ZMAT4: variants seen among roughly 807,000 people sequenced by gnomAD.
ZMAT4 encodes zinc finger matrin-type 4.
ZMAT4 carries 17 observed loss-of-function variants against 28.7 expected under a neutral mutation model. That is an observed-to-expected ratio of 0.59 (90% confidence interval 0.41 to 0.89). The LOEUF (loss-of-function observed/expected upper bound fraction) is 0.89. ZMAT4 is among the 40% of genes least tolerant of loss of function. ZMAT4 has a pLI of 0.00. For missense variants in ZMAT4, 240 were observed against 283.8 expected, an observed-to-expected ratio of 0.85 and a Z score of 1.11; for synonymous variants, 117 against 109.2, an observed-to-expected ratio of 1.07 and a Z score of -0.44.
chr8:40,601,628 AAGAAAGAG>A (rs1805360985), intron 5 of ZMAT4, among the ~76,000 whole-genome samples: 2 of 27,856 alleles, frequency 7.2e-5, no homozygotes, highest in Non-Finnish European at 1.9e-4. Context: ...GAAAGAAAGA[AAGAAAGAG>A]AAAGAAAGAA....
chr8:40,549,242 G>A (rs1299884676), intron 6 of ZMAT4, among the ~76,000 whole-genome samples: 2 of 152,062 alleles, frequency 1.3e-5, no homozygotes, highest in African/African-American at 4.8e-5. Flanking sequence ...ATACATTTCT[G>A]TTCTTTATAA....
At chr8:40,843,133 C>T (rs1031811387) in intron 1 of ZMAT4, among the ~76,000 whole-genome samples, 1 of 152,182 alleles carries the variant, frequency 6.6e-6, no homozygotes, top group African/African-American at 2.4e-5. Flanking sequence ...AAATGCAAGC[C>T]CCTGACAGAG....
In ZMAT4 at chr8:40,831,470, G is replaced by A. The variant is rs545321416; in HGVS notation, c.-4-5790C>T. 9.9e-5 allele frequency among the ~76,000 whole-genome samples: 15 copies of A among 152,268 alleles called. No homozygotes were observed. The South Asian group carries it at 1.2e-3, about 13-fold the overall frequency. ...GCAAACAGAACCCACAGCACTCACC[G>A]TGGCAGTCCCCAGGCGGCCGCAGCC... On this transcript the variant is annotated intron_variant, in intron 1 of 6. Transcript: ENST00000297737.
chr8:40,751,772 T>C (rs1167636683), intron 3 of ZMAT4, among the ~76,000 whole-genome samples: 1 of 152,094 alleles, frequency 6.6e-6, no homozygotes, highest in Non-Finnish European at 1.5e-5. Context: ...CCAGATGCAA[T>C]TCTGTTGCTC....
chr8:40,651,617 C>T (rs1807654500), intron 5 of ZMAT4, among the ~76,000 whole-genome samples: 1 of 149,236 alleles, frequency 6.7e-6, no homozygotes, highest in African/African-American at 2.5e-5. Flanking sequence ...CCCGCATCGC[C>T]AAGTCAATCC....
intron 1 of ZMAT4, among the ~76,000 whole-genome samples, chr8:40,881,593 A>AGAAG (rs756640762): frequency 1.7e-4 from 17 of 100,180 alleles, no homozygotes; most frequent in Admixed American, 3.0e-4. Context: ...AAAGAAAGAA[A>AGAAG]GAAAGAAAAG....
intron 3 of ZMAT4, among the ~76,000 whole-genome samples, chr8:40,720,833 C>T (rs530856359): frequency 4.0e-5 from 6 of 151,708 alleles, no homozygotes; most frequent in Non-Finnish European, 7.4e-5. Flanking sequence ...GCCCGATAGA[C>T]TCTTTTAGAA....
At chr8:40,765,461 G>C (rs1159311211) in intron 3 of ZMAT4, among the ~76,000 whole-genome samples, 1 of 152,032 alleles carries the variant, frequency 6.6e-6, no homozygotes, top group Non-Finnish European at 1.5e-5. Flanking sequence ...TGCTTTTTCT[G>C]TTTACTGGTT....
intron 2 of ZMAT4, among the ~76,000 whole-genome samples, chr8:40,769,687 T>G (rs1330699940): frequency 6.6e-6 from 1 of 152,160 alleles, no homozygotes; most frequent in Non-Finnish European, 1.5e-5. Flanking sequence ...GAACTTCTTT[T>G]CACATTCCCT....
intron 5 of ZMAT4, among the ~76,000 whole-genome samples, chr8:40,601,509 G>GAAAGAAAGAAAGAAAGAAAGAAAGAA (rs781484684): frequency 9.5e-6 from 1 of 105,498 alleles, no homozygotes; most frequent in East Asian, 2.9e-4. Flanking sequence ...AAGAAAGAAA[G>GAAAGAAAGAAAGAAAGAAAGAAAGAA]AGAAAGAGAA....
At chr8:40,568,232 A>C (rs1405530949) in intron 6 of ZMAT4, among the ~76,000 whole-genome samples, 2 of 152,286 alleles carry the variant, frequency 1.3e-5, no homozygotes, top group African/African-American at 4.8e-5. Flanking sequence ...TGGGAGTCTG[A>C]GTGAGAAATT....
chr8:40,875,859 T>C (rs977849653), intron 1 of ZMAT4, among the ~76,000 whole-genome samples: 4 of 152,258 alleles, frequency 2.6e-5, no homozygotes, highest in South Asian at 2.1e-4. Flanking sequence ...GTGTCCACGA[T>C]TGTGTTGAAT....
At position 40,652,920 on chromosome 8, in the gene ZMAT4, C is replaced by G. The variant is rs1221953677; in HGVS notation, c.577+21784G>C. Among the ~76,000 whole-genome samples, 6 of 125,064 alleles carry G rather than the reference C, an allele frequency of 4.8e-5. No homozygotes were observed. In the East Asian group the frequency reaches 1.2e-3, roughly 24 times the overall value. The allele number at this position is 125,064 out of a possible 152,430, so 82.0% of individuals were successfully genotyped here. On this transcript the variant is annotated intron_variant, in intron 5 of 6. Transcript: ENST00000297737. ...GACACAGGAAGGGGAATATCACACTCTGGGGACCGTTGTGGGGTGGGGGGA... is the reference window on the plus strand; with the variant it reads ...GACACAGGAAGGGGAATATCACACTGTGGGGACCGTTGTGGGGTGGGGGGA...
intron 5 of ZMAT4, among the ~76,000 whole-genome samples, chr8:40,616,899 A>G (rs1198108302): frequency 3.8e-4 from 57 of 149,330 alleles, no homozygotes; most frequent in Admixed American, 4.7e-4. Context: ...AAAAAAAAAA[A>G]GCTTGTTAGA....
Position 40,736,629 on chromosome 8 carries a change from T to C in ZMAT4, c.192+31012A>G, listed in dbSNP as rs114602370. ...AAAATTCTTGGAAGCATTGCACAAATACATAACAAAAGGAGTTAAGGGAGG... is the reference window on the plus strand; with the variant it reads ...AAAATTCTTGGAAGCATTGCACAAACACATAACAAAAGGAGTTAAGGGAGG... On this transcript the variant is annotated intron_variant, in intron 3 of 6. Coordinates refer to ENST00000297737, the MANE Select transcript of ZMAT4 (RefSeq NM_024645.3). 4.7e-3 allele frequency among the ~76,000 whole-genome samples: 715 copies of C among 152,122 alleles called. 2 individuals carry two copies. The highest frequency in any genetic ancestry group is 0.016 in the African/African-American group (681 of 41,484).
chr8:40,662,317 T>G (rs1433015135), intron 5 of ZMAT4, among the ~76,000 whole-genome samples: 1 of 152,132 alleles, frequency 6.6e-6, no homozygotes, highest in Non-Finnish European at 1.5e-5. Flanking sequence ...GGGTGTTTTG[T>G]TGTTGCTTTT....
intron 6 of ZMAT4, among the ~76,000 whole-genome samples, chr8:40,544,354 G>T (rs1440778768): frequency 6.6e-6 from 1 of 152,164 alleles, no homozygotes; most frequent in Admixed American, 6.5e-5. Flanking sequence ...GGAAAACATG[G>T]TATAGACATA....
At chr8:40,548,405 A>T (rs1030137521) in intron 6 of ZMAT4, among the ~76,000 whole-genome samples, 9 of 152,220 alleles carry the variant, frequency 5.9e-5, no homozygotes, top group African/African-American at 2.2e-4. Flanking sequence ...TTCACATTCC[A>T]CAGAATCACA....
intron 5 of ZMAT4, among the ~76,000 whole-genome samples, chr8:40,619,738 C>T (rs1806132378): frequency 6.6e-6 from 1 of 152,174 alleles, no homozygotes; most frequent in African/African-American, 2.4e-5. Flanking sequence ...ATCAGCTATG[C>T]ACCATGACAT....
Sources: allele counts gnomAD v4.1 joint callset (sites outside exome capture counted in the v4.1 genomes callset), GRCh38; gene constraint gnomAD v4.1.1; transcripts MANE v1.5; gene names NCBI Gene and HGNC (gene_info 2026-07-23, HGNC 2026-07-21).